ANK3: variants seen among roughly 807,000 people sequenced by gnomAD.
ANK3 encodes the protein ankyrin 3, also known as ankyrin-3.
ANK3 carries 57 observed loss-of-function variants against 370.9 expected under a neutral mutation model. That is an observed-to-expected ratio of 0.15 (90% CI 0.12 to 0.19). The LOEUF is 0.19. ANK3 is among the 10% of genes least tolerant of loss of function. The pLI is 1.00. For synonymous variants in ANK3, 1,929 were observed against 1,946.3 expected (o/e 0.99, Z 0.23); for missense variants, 4,439 against 5,302.1 (o/e 0.84, Z 5.06).
intron 7 of ANK3, among the ~76,000 whole-genome samples, chr10:60,254,812 A>G (rs773209441): frequency 8.5e-5 from 13 of 152,342 alleles, no homozygotes; most frequent in Non-Finnish European, 1.5e-4. Flanking sequence ...GAATTTTGAT[A>G]GGCTAGGGAG....
intron 12 of ANK3, among the ~76,000 whole-genome samples, chr10:60,202,737 GTC>G (rs1203459968): frequency 6.6e-6 from 1 of 151,888 alleles, no homozygotes; most frequent in East Asian, 1.9e-4. Flanking sequence ...TGAGGCCCCC[GTC>G]TCTACAAAAC....
At chr10:60,476,490 C>T (rs961145492) in intron 2 of ANK3, among the ~76,000 whole-genome samples, 13 of 152,098 alleles carry the variant, frequency 8.5e-5, no homozygotes, top group African/African-American at 2.7e-4. Flanking sequence ...TTTCTTTCAG[C>T]TAACAAAGAG....
intron 18 of ANK3, among the ~76,000 whole-genome samples, chr10:60,175,690 A>G (rs10994236): frequency 0.038 from 5,844 of 152,256 alleles, 317 homozygotes; most frequent in African/African-American, 0.12. Flanking sequence ...CCATTCACTG[A>G]TAAGACTGCA....
At chr10:60,575,357 T>C (rs975597633) in intron 2 of ANK3, among the ~76,000 whole-genome samples, 14 of 152,080 alleles carry the variant, frequency 9.2e-5, no homozygotes, top group African/African-American at 3.4e-4. Flanking sequence ...AAAAGGACGT[T>C]TGAAGACTGG....
At chr10:60,235,550 G>GTTTTTTTTTTTTTTTTTTTT (rs72388493) in intron 7 of ANK3, among the ~76,000 whole-genome samples, 1 of 115,050 alleles carries the variant, frequency 8.7e-6, no homozygotes, top group Non-Finnish European at 1.7e-5. Context: ...CTGATTTCTT[G>GTTTTTTTTTTTTTTTTTTTT]TTTTTTTTTT....
intron 1 of ANK3, among the ~76,000 whole-genome samples, chr10:60,289,553 C>CCACA (rs1009704572): frequency 9.9e-5 from 15 of 151,988 alleles, no homozygotes; most frequent in Non-Finnish European, 2.1e-4. Flanking sequence ...GTTGGCACCA[C>CCACA]CACACCTGGC....
intron 8 of ANK3, among the ~76,000 whole-genome samples, chr10:60,215,744 C>T (rs1029785310): frequency 8.5e-5 from 13 of 152,188 alleles, no homozygotes; most frequent in African/African-American, 3.1e-4. Flanking sequence ...GTTTTGGTTA[C>T]TGTAGCCTTG....
At chr10:60,213,343 C>A in intron 9 of ANK3, 69 bp downstream of exon 9, 1 of 1,064,690 alleles carries the variant, frequency 9.4e-7, no homozygotes, top group South Asian at 1.5e-5. Context: ...CTATGTGATT[C>A]AAAAGGCTAG....
intron 4 of ANK3, among the ~76,000 whole-genome samples, chr10:60,274,937 T>G (rs1296515789): frequency 6.6e-6 from 1 of 152,172 alleles, no homozygotes; most frequent in Non-Finnish European, 1.5e-5. Flanking sequence ...ATAAAAATAT[T>G]GCCATCACTC....
chr10:60,590,913 G>A (rs2077900946), intron 2 of ANK3, among the ~76,000 whole-genome samples: 1 of 152,134 alleles, frequency 6.6e-6, no homozygotes, highest in African/African-American at 2.4e-5. Flanking sequence ...TCAATCCACA[G>A]TTTGTTGAAT....
chr10:60,200,039 C>T, intron 13 of ANK3, 90 bp downstream of exon 13: 10 of 916,242 alleles, frequency 1.1e-5, no homozygotes, highest in Non-Finnish European at 1.7e-5. Flanking sequence ...TTAAAGTATT[C>T]TTGAAAGACT....
intron 23 of ANK3, among the ~76,000 whole-genome samples, chr10:60,142,260 T>C (rs2094601689): frequency 6.6e-6 from 1 of 152,204 alleles, no homozygotes; most frequent in Non-Finnish European, 1.5e-5. Context: ...CTAGGGTGTA[T>C]TCTCTTGATG....
At chr10:60,693,580 G>A (rs186997447) in intron 1 of ANK3, among the ~76,000 whole-genome samples, 149 of 152,304 alleles carry the variant, frequency 9.8e-4, no homozygotes, top group African/African-American at 3.5e-3. Flanking sequence ...CTCCTAAAGT[G>A]GGTCCCTGAC....
At chr10:60,224,828 T>A (rs921829190) in intron 8 of ANK3, among the ~76,000 whole-genome samples, 2 of 152,120 alleles carry the variant, frequency 1.3e-5, no homozygotes, top group African/African-American at 4.8e-5. Context: ...AGAAGAGAGC[T>A]ATGATGATAG....
Position 60,307,385 on chromosome 10 carries a change from C to T in ANK3, c.115-27746G>A, listed in dbSNP as rs141605179. Among the ~76,000 whole-genome samples the T allele has an allele frequency of 5.5e-3, 841 of 152,158 alleles. 5 individuals are homozygous for T. The highest frequency in any genetic ancestry group is 0.013 in the South Asian group (64 of 4,810). On this transcript the variant is annotated intron_variant, in intron 1 of 43. Coordinates refer to ENST00000280772, the MANE Select transcript of ANK3 (RefSeq NM_020987.5). ...TCCCAGTCTGTCACCCAGGCCAGAG[C>T]GCAATGGCATGATCATAGCTCACCA...
intron 2 of ANK3, among the ~76,000 whole-genome samples, chr10:60,467,967 G>GA (rs1256307994): frequency 6.8e-6 from 1 of 146,534 alleles, no homozygotes; most frequent in Non-Finnish European, 1.5e-5. Context: ...AGATAAAATG[G>GA]AAAAAACATA....
chr10:60,232,243 G>A (rs937618582), intron 8 of ANK3, among the ~76,000 whole-genome samples: 2 of 152,136 alleles, frequency 1.3e-5, no homozygotes, highest in African/African-American at 2.4e-5. Context: ...GAGAAATAAG[G>A]TAATTTCCAA....
intron 2 of ANK3, among the ~76,000 whole-genome samples, chr10:60,591,233 CCTT>C (rs2077906090): frequency 6.6e-6 from 1 of 152,170 alleles, no homozygotes; most frequent in African/African-American, 2.4e-5. Context: ...TAATTCCAAG[CCTT>C]CTTCTCCAGG....
Position 60,213,472 on chromosome 10 carries a change from G to A in ANK3, c.936C>T (p.Gly312=). ...GCAACATTTCTACCACCTGCTCGTGGCCACTCCTTGCTCCACAGTGCAGTG... is the reference window on the plus strand; with the variant it reads ...GCAACATTTCTACCACCTGCTCGTGACCACTCCTTGCTCCACAGTGCAGTG... ...LTPLHCGARS[G]HEQVVEMLLD... The change falls in exon 9 of 44, where the codon GGC becomes GGT. Residue 312 remains glycine, a synonymous_variant. Coordinates refer to ENST00000280772, the MANE Select transcript of ANK3 (RefSeq NM_020987.5). 6.2e-7 allele frequency: 1 copy of A among 1,612,548 alleles called. No homozygotes were observed. The highest frequency in any genetic ancestry group is 8.5e-7 in the Non-Finnish European group (1 of 1,179,152).
Sources: gnomAD v4.1 joint callset for allele counts (sites outside exome capture counted in the v4.1 genomes callset) on GRCh38, gnomAD v4.1.1 for gene constraint, MANE v1.5 for transcripts, NCBI Gene and HGNC (gene_info 2026-07-23, HGNC 2026-07-21) for gene names.